The following RUNX1T1 variants were observed in gnomAD, a reference collection of about 807,000 sequenced individuals.
RUNX1T1 encodes the protein protein CBFA2T1.
In RUNX1T1, 4 loss-of-function variants were observed where a neutral mutation model predicts 62.8. The ratio of observed to expected loss-of-function variants is 0.06; its 90% CI spans 0.03 to 0.15. The LOEUF is 0.15. Among genes scored for constraint, RUNX1T1 ranks in the 10% least tolerant of loss-of-function variants. RUNX1T1 has a pLI of 1.00. For missense variants in RUNX1T1, 508 were observed against 754.3 expected (o/e 0.67, Z 3.82); for synonymous variants, 291 against 286.0 (o/e 1.02, Z -0.18).
At chr8:92,089,925 TAAAAA>T (rs36052605) in intron 1 of RUNX1T1, among the ~76,000 whole-genome samples, 2 of 80,158 alleles carry the variant, frequency 2.5e-5, no homozygotes, top group Admixed American at 1.6e-4. Context: ...TCCCTGAATT[TAAAAA>T]AAAAAAAAAA....
chr8:92,003,956 G>A (rs997294767), intron 5 of RUNX1T1, among the ~76,000 whole-genome samples: 1 of 152,176 alleles, frequency 6.6e-6, no homozygotes, highest in African/African-American at 2.4e-5. Context: ...ACTATTAAGA[G>A]GTTCTATGTC....
chr8:92,084,994 T>C (rs181979096), intron 1 of RUNX1T1, among the ~76,000 whole-genome samples: 1 of 152,308 alleles, frequency 6.6e-6, no homozygotes, highest in Admixed American at 6.5e-5. Flanking sequence ...TCAAGTCAGA[T>C]GCCAAGAAAA....
At chr8:92,034,797 T>TATACAC (rs1827054240) in intron 1 of RUNX1T1, among the ~76,000 whole-genome samples, 1 of 96,850 alleles carries the variant, frequency 1.0e-5, no homozygotes, top group African/African-American at 4.3e-5. Flanking sequence ...TATACATATA[T>TATACAC]ACACACACAC....
intron 8 of RUNX1T1, chr8:91,977,141 A>C (rs1002695324): frequency 3.6e-5 from 7 of 197,116 alleles, no homozygotes; most frequent in Non-Finnish European, 7.4e-5. Flanking sequence ...GAATGCTTTG[A>C]ATTCTTGCAG....
chr8:92,005,393 A>G lies in RUNX1T1; in HGVS notation c.478-96T>C, dbSNP rs1200263438. On this transcript the variant is annotated intron_variant, in intron 4 of 10. Transcript: ENST00000396218. ...TTCGAACACTGGAGAAGAGTATGCA[A>G]TGCAGCTACATCAAAGGTCAAATGC... is the stretch of plus-strand genomic sequence containing the variant. 2.9e-6 allele frequency: 3 copies of G among 1,047,924 alleles called. No individual in the cohort carries two copies. In the African/African-American group the frequency reaches 4.8e-5, roughly 17 times the overall value. 64.9% of individuals were successfully genotyped at this position (1,047,924 alleles called of 1,614,324 possible).
rs767726405 is a variant in RUNX1T1 at position 91,997,850 on chromosome 8, G to C, written c.660-5961C>G. On this transcript the variant is annotated intron_variant, in intron 5 of 10. Transcript: ENST00000396218. ...CTCCTTGAAAAATGAGTAAGAGTGA[G>C]ACACTGGGTCTAAAATTCTTTTAAG... Among the ~76,000 whole-genome samples, 3 of 152,260 alleles carry C rather than the reference G, an allele frequency of 2.0e-5. No homozygotes were observed. The South Asian group carries it at 6.2e-4, about 32-fold the overall frequency.
intron 10 of RUNX1T1, among the ~76,000 whole-genome samples, chr8:91,967,067 G>A (rs1811784957): frequency 6.6e-6 from 1 of 152,132 alleles, no homozygotes; most frequent in Non-Finnish European, 1.5e-5. Flanking sequence ...ATCCCTTCAA[G>A]GCACAGCTTT....
chr8:92,029,083 A>G (rs1825775243), intron 1 of RUNX1T1, among the ~76,000 whole-genome samples: 1 of 152,208 alleles, frequency 6.6e-6, no homozygotes, highest in Non-Finnish European at 1.5e-5. Flanking sequence ...AAATCAAGAG[A>G]GACAATCAGG....
intron 1 of RUNX1T1, among the ~76,000 whole-genome samples, chr8:92,053,213 CCTGT>C (rs1360857515): frequency 6.6e-5 from 10 of 151,904 alleles, no homozygotes; most frequent in African/African-American, 2.4e-4. Context: ...ATAAATTTTA[CCTGT>C]CTATCAAATT....
chr8:92,062,656 C>T (rs1309223956), exon 1 of RUNX1T1: 1 of 1,613,728 alleles, frequency 6.2e-7, no homozygotes, highest in Non-Finnish European at 8.5e-7. Context: ...GAGAGGAGGG[C>T]CATCAGAGGG....
chr8:91,984,307 T>C (rs1816076881), intron 8 of RUNX1T1, among the ~76,000 whole-genome samples: 1 of 152,202 alleles, frequency 6.6e-6, no homozygotes. Context: ...ATACACAAAA[T>C]GGCCCTTGTT....
chr8:92,005,128 C>T (rs779166132), exon 5 of RUNX1T1: 7 of 1,609,832 alleles, frequency 4.3e-6, no homozygotes, highest in East Asian at 4.5e-5. Context: ...GTCTGGAGTT[C>T]GCCTCTTCCC....
In RUNX1T1 at chr8:92,056,156, A is replaced by C. The variant is rs114577280; in HGVS notation, c.7+6390T>G. Among the ~76,000 whole-genome samples the C allele has an allele frequency of 5.2e-3, 792 of 152,322 alleles. 7 individuals are homozygous for C. Among genetic ancestry groups the C allele is most frequent in the African/African-American group, 0.018 (757 of 41,582 alleles). On this transcript the variant is annotated intron_variant, in intron 1 of 10. Transcript: ENST00000396218. ...AGTCCTGAGGAAGGTGGTGAAGTTAAATGAGGGAAAGTTCAAACGTAAAAT... is the reference window on the plus strand; with the variant it reads ...AGTCCTGAGGAAGGTGGTGAAGTTACATGAGGGAAAGTTCAAACGTAAAAT...
intron 1 of RUNX1T1, chr8:92,095,037 T>C (rs1179488015): frequency 7.8e-6 from 12 of 1,535,212 alleles, no homozygotes; most frequent in Non-Finnish European, 1.0e-5. Flanking sequence ...CCTCGGTGAG[T>C]CCTGTCTGGA....
chr8:92,086,297 C>T (rs1445140012), intron 1 of RUNX1T1, among the ~76,000 whole-genome samples: 2 of 152,102 alleles, frequency 1.3e-5, no homozygotes, highest in African/African-American at 2.4e-5. Flanking sequence ...CAAACAAAGT[C>T]CAATGTTTGA....
In RUNX1T1 at chr8:91,991,290, G is replaced by C. The variant is rs1402383570; in HGVS notation, c.910+349C>G. Reference sequence around the variant, plus strand: ...GTGATTTTTAAAAATATTTGTGGCAGGCAGACTGCATATGAAGTCTCATGT... The same window carrying C: ...GTGATTTTTAAAAATATTTGTGGCACGCAGACTGCATATGAAGTCTCATGT... On this transcript the variant is annotated intron_variant, in intron 6 of 10. Coordinates refer to ENST00000396218, the Ensembl canonical transcript of RUNX1T1. Among the ~76,000 whole-genome samples, 7 of 152,098 alleles carry C rather than the reference G, an allele frequency of 4.6e-5. No homozygotes were observed. The East Asian group carries it at 1.4e-3, about 29-fold the overall frequency.
chr8:92,057,480 A>C (rs1330126560), intron 1 of RUNX1T1, among the ~76,000 whole-genome samples: 1 of 152,238 alleles, frequency 6.6e-6, no homozygotes, highest in African/African-American at 2.4e-5. Context: ...AAAATCAGAA[A>C]GTATACACAG....
intron 1 of RUNX1T1, among the ~76,000 whole-genome samples, chr8:92,031,378 A>G (rs1287522807): frequency 9.2e-5 from 14 of 152,234 alleles, no homozygotes. Flanking sequence ...CAAATGTTTT[A>G]AAAGTTAATC....
intron 5 of RUNX1T1, among the ~76,000 whole-genome samples, chr8:91,995,370 G>A (rs1014918030): frequency 6.6e-6 from 1 of 152,180 alleles, no homozygotes. Flanking sequence ...GCTAGGGCCT[G>A]AGTCTGTTCT....
Sources: allele counts gnomAD v4.1 joint callset (sites outside exome capture counted in the v4.1 genomes callset), GRCh38; gene constraint gnomAD v4.1.1; transcripts MANE v1.5; gene names NCBI Gene and HGNC (gene_info 2026-07-23, HGNC 2026-07-21).